The following ADCY5 variants were observed in gnomAD, a reference collection of about 807,000 sequenced individuals.
ADCY5 encodes the protein adenylate cyclase type 5.
ADCY5 carries 30 observed loss-of-function variants against 119.7 expected under a neutral mutation model. The ratio of observed to expected loss-of-function variants is 0.25; its 90% CI spans 0.19 to 0.34. The LOEUF (loss-of-function observed/expected upper bound fraction) is 0.34. ADCY5 is among the 10% of genes least tolerant of loss of function. ADCY5 has a pLI of 1.00. For missense variants in ADCY5, 1,324 were observed against 1,775.2 expected (o/e 0.75, Z 4.57); for synonymous variants, 753 against 762.2 (o/e 0.99, Z 0.20).
In ADCY5 at chr3:123,352,311, CTCCCG is replaced by C; in HGVS notation, c.1284+116_1284+120del. The stretch of plus-strand genomic sequence containing the variant: ...GAAACATTCCCCATGGGTTGGTCCC[CTCCCG>C]GGGAGTGGGGCTGGCAGCCGTAATA... On this transcript the variant is annotated intron_variant, in intron 2 of 20. Coordinates refer to ENST00000462833, the MANE Select transcript of ADCY5 (RefSeq NM_183357.3). This position sits in a 1 kb window ranked among gnomAD's most constrained non-coding sequence, Gnocchi z 4.8. 1 of 1,311,378 alleles carries C rather than the reference CTCCCG, an allele frequency of 7.6e-7. No individual in the cohort carries two copies. The allele number at this position is 1,311,378 out of a possible 1,614,324, so 81.2% of individuals were successfully genotyped here.
Position 123,445,347 on chromosome 3 carries a change from CA to C in ADCY5, c.1134+2064del, listed in dbSNP as rs869237990. 3.4e-3 allele frequency among the ~76,000 whole-genome samples: 503 copies of C among 150,004 alleles called. 2 individuals carry two copies. Among genetic ancestry groups the C allele is most frequent in the African/African-American group, 7.3e-3 (298 of 40,684 alleles). On this transcript the variant is annotated intron_variant, in intron 1 of 20. Transcript: ENST00000462833. ...GCTAAGGTGGAATTGGGGCCCCCCC[CA>C]AGGCTCAGCACCCCTTTCCTGGGAT...
chr3:123,338,192 A>C (rs1165868636), intron 3 of ADCY5, among the ~76,000 whole-genome samples: 1 of 152,212 alleles, frequency 6.6e-6, no homozygotes, highest in African/African-American at 2.4e-5. Flanking sequence ...CTGAGGAACC[A>C]GGGAGGGGCA....
At chr3:123,362,561 A>T in intron 1 of ADCY5, among the ~76,000 whole-genome samples, 1 of 152,156 alleles carries the variant, frequency 6.6e-6, no homozygotes, top group East Asian at 1.9e-4. Flanking sequence ...GAGAGAAATA[A>T]CAGCTTTCAT....
chr3:123,368,130 A>G, intron 1 of ADCY5: 2 of 1,202,664 alleles, frequency 1.7e-6, no homozygotes, highest in Non-Finnish European at 2.2e-6. Flanking sequence ...TGTGACTCGG[A>G]GCCAGTCATG....
chr3:123,415,870 G>A (rs557560605), intron 1 of ADCY5, among the ~76,000 whole-genome samples: 9 of 152,156 alleles, frequency 5.9e-5, no homozygotes, highest in African/African-American at 2.2e-4. Context: ...GGTGTATAGG[G>A]GTAAATGGAC....
At chr3:123,324,947 C>G (rs1941403409) in intron 8 of ADCY5, among the ~76,000 whole-genome samples, 1 of 152,250 alleles carries the variant, frequency 6.6e-6, no homozygotes. Flanking sequence ...GTATGACAAG[C>G]TGGTGCCCAC....
At chr3:123,322,594 A>G (rs1941278951) in intron 8 of ADCY5, among the ~76,000 whole-genome samples, 1 of 152,152 alleles carries the variant, frequency 6.6e-6, no homozygotes, top group Non-Finnish European at 1.5e-5. Context: ...TTACTCTAAC[A>G]GTTCTAGGAC....
intron 1 of ADCY5, among the ~76,000 whole-genome samples, chr3:123,382,406 G>T (rs4677888): frequency 0.47 from 71,587 of 151,774 alleles, 17,589 homozygotes; most frequent in East Asian, 0.68. Context: ...GATTCAGAAA[G>T]TCCACTTCTG....
chr3:123,320,984 C>T (rs777827800), intron 8 of ADCY5, among the ~76,000 whole-genome samples: 9 of 152,108 alleles, frequency 5.9e-5, no homozygotes, highest in Non-Finnish European at 1.2e-4. Context: ...TGCTAGACGC[C>T]GGGGATGCCC....
At chr3:123,368,699 T>A (rs916669269) in intron 1 of ADCY5, among the ~76,000 whole-genome samples, 1 of 150,652 alleles carries the variant, frequency 6.6e-6, no homozygotes, top group Non-Finnish European at 1.5e-5. Flanking sequence ...TTGCAGTGAG[T>A]TTAGATGGTG....
intron 1 of ADCY5, among the ~76,000 whole-genome samples, chr3:123,392,743 C>CCTCT (rs143783650): frequency 6.6e-6 from 1 of 151,658 alleles, no homozygotes; most frequent in Non-Finnish European, 1.5e-5. Flanking sequence ...TCTCCCTCTC[C>CCTCT]CTCTCTCTCT....
chr3:123,383,673 T>C (rs530973763), intron 1 of ADCY5, among the ~76,000 whole-genome samples: 1 of 151,230 alleles, frequency 6.6e-6, no homozygotes, highest in Admixed American at 6.6e-5. Context: ...GACGGCTCCC[T>C]GTGCAGAGCC....
At chr3:123,290,978 G>T in intron 18 of ADCY5, 135 bp downstream of exon 18, 1 of 1,214,386 alleles carries the variant, frequency 8.2e-7, no homozygotes, top group Non-Finnish European at 1.1e-6. Flanking sequence ...TCAGGTTCCC[G>T]CCGGCAGAGC....
intron 1 of ADCY5, among the ~76,000 whole-genome samples, chr3:123,402,569 G>A (rs571231750): frequency 5.3e-4 from 80 of 152,308 alleles, no homozygotes; most frequent in African/African-American, 1.9e-3. Flanking sequence ...AGCCCTAGTC[G>A]GCTGGGCGTG....
intron 2 of ADCY5, among the ~76,000 whole-genome samples, chr3:123,350,485 A>C (rs1942784914): frequency 6.6e-6 from 1 of 152,184 alleles, no homozygotes; most frequent in Non-Finnish European, 1.5e-5. Context: ...ACCGTGCTAC[A>C]AACCGTTTGG....
intron 1 of ADCY5, among the ~76,000 whole-genome samples, chr3:123,396,775 A>C (rs369291253): frequency 0.11 from 7,362 of 69,966 alleles, 381 homozygotes; most frequent in African/African-American, 0.17. Context: ...GGAAGGAAGG[A>C]AGGAAGGCAG....
At chr3:123,360,926 T>C (rs1943225858) in intron 1 of ADCY5, among the ~76,000 whole-genome samples, 1 of 152,162 alleles carries the variant, frequency 6.6e-6, no homozygotes, top group Non-Finnish European at 1.5e-5. Context: ...ATGAGGAAAC[T>C]GAGGCCCGAG....
intron 1 of ADCY5, among the ~76,000 whole-genome samples, chr3:123,378,521 CG>C (rs1488254735): frequency 6.6e-6 from 1 of 152,156 alleles, no homozygotes; most frequent in Non-Finnish European, 1.5e-5. Context: ...GAGGGACAGA[CG>C]GAGGGAGGCG....
chr3:123,284,834 G>T, intron 20 of ADCY5, 98 bp from the exon 21 acceptor site: 1 of 1,509,856 alleles, frequency 6.6e-7, no homozygotes, highest in Non-Finnish European at 9.1e-7. Flanking sequence ...CCCTGTTGCC[G>T]CCCCTGACAC....
Sources: gnomAD v4.1 joint callset for allele counts (sites outside exome capture counted in the v4.1 genomes callset) on GRCh38, gnomAD v4.1.1 for gene constraint, Gnocchi (gnomAD v3.1) non-coding constraint, MANE v1.5 for transcripts, NCBI Gene and HGNC (gene_info 2026-07-23, HGNC 2026-07-21) for gene names.